Variants in FBN1 observed in about 807,000 individuals in gnomAD.
FBN1 encodes the protein fibrillin 1.
Under a neutral mutation model 365.1 loss-of-function variants are expected in FBN1, and 29 were observed. The observed-to-expected ratio is 0.08, with a 90% CI of 0.06 to 0.11. The LOEUF (loss-of-function observed/expected upper bound fraction) is 0.11. Ranked by LOEUF, FBN1 falls within the 10% of genes least tolerant of loss-of-function variation. The pLI is 1.00. For synonymous variants in FBN1, 1,210 were observed against 1,270.5 expected, an observed-to-expected ratio of 0.95 and a Z score of 1.01; for missense variants, 2,476 against 3,703.2, an observed-to-expected ratio of 0.67 and a Z score of 8.60.
chr15:48,626,593 C>A (rs1336810314), intron 2 of FBN1, among the ~76,000 whole-genome samples: 2 of 152,078 alleles, frequency 1.3e-5, no homozygotes, highest in African/African-American at 4.8e-5. Flanking sequence ...ATAAATAAAT[C>A]ACTAACAGAT....
intron 44 of FBN1, among the ~76,000 whole-genome samples, chr15:48,453,627 G>A (rs544903208): frequency 2.0e-5 from 3 of 152,196 alleles, no homozygotes; most frequent in South Asian, 2.1e-4. Context: ...CACCAAGAGC[G>A]AGCTCTAATG....
chr15:48,484,439 T>C (rs2043489803), intron 30 of FBN1, among the ~76,000 whole-genome samples: 1 of 152,006 alleles, frequency 6.6e-6, no homozygotes, highest in Non-Finnish European at 1.5e-5. Context: ...TGGCGCGATC[T>C]TGGCTCACTG....
intron 49 of FBN1, among the ~76,000 whole-genome samples, chr15:48,443,759 G>A (rs2043134097): frequency 6.6e-6 from 1 of 152,126 alleles, no homozygotes; most frequent in South Asian, 2.1e-4. Context: ...TTAATGATAT[G>A]ACATATTTGT....
At chr15:48,469,064 T>C in intron 36 of FBN1, among the ~76,000 whole-genome samples, 1 of 119,030 alleles carries the variant, frequency 8.4e-6, no homozygotes. Flanking sequence ...CGAGACTCCG[T>C]CTCAAAAAAA....
intron 20 of FBN1, among the ~76,000 whole-genome samples, chr15:48,495,879 T>C (rs956732340): frequency 2.0e-5 from 3 of 152,190 alleles, no homozygotes; most frequent in African/African-American, 7.2e-5. Context: ...ACACATAACA[T>C]TTTCTTTATC....
At chr15:48,526,282 C>T in intron 8 of FBN1, 27 bp from the exon 9 acceptor site, 2 of 1,613,180 alleles carry the variant, frequency 1.2e-6, no homozygotes, top group Non-Finnish European at 1.7e-6. Context: ...AGAATCTCAG[C>T]ATTTGTAGAA....
intron 13 of FBN1, among the ~76,000 whole-genome samples, chr15:48,510,907 T>C (rs984797037): frequency 1.3e-5 from 2 of 152,202 alleles, no homozygotes; most frequent in African/African-American, 4.8e-5. Flanking sequence ...GATAGCATGG[T>C]TCCCTGGATT....
chr15:48,585,009 T>TCC (rs2044424489), intron 6 of FBN1, among the ~76,000 whole-genome samples: 1 of 152,266 alleles, frequency 6.6e-6, no homozygotes, highest in South Asian at 2.1e-4. Context: ...AGTCTTAGTT[T>TCC]AAAGAATATA....
At chr15:48,480,486 T>G (rs1189267154) in intron 32 of FBN1, among the ~76,000 whole-genome samples, 1 of 152,162 alleles carries the variant, frequency 6.6e-6, no homozygotes, top group Non-Finnish European at 1.5e-5. Context: ...ACAGGCTTCA[T>G]GTAAGGAGTA....
chr15:48,421,165 C>T (rs1353181874), intron 62 of FBN1, among the ~76,000 whole-genome samples: 1 of 151,910 alleles, frequency 6.6e-6, no homozygotes, highest in Admixed American at 6.6e-5. Flanking sequence ...ATCATTTAAA[C>T]TTCTAATTAA....
intron 6 of FBN1, among the ~76,000 whole-genome samples, chr15:48,593,691 A>G (rs1286404020): frequency 1.3e-5 from 2 of 152,198 alleles, no homozygotes; most frequent in Non-Finnish European, 2.9e-5. Flanking sequence ...TGTACTGTGC[A>G]TCACACAGTA....
rs758452844 is a variant in FBN1 at position 48,508,723 on chromosome 15, C to T, written c.1715-19G>A. Reference sequence around the variant, plus strand: ...TCCATATCTGAAAATACAAAACATACATTTTCTTATGACCAGAAGAGTAAG... The same window carrying T: ...TCCATATCTGAAAATACAAAACATATATTTTCTTATGACCAGAAGAGTAAG... On this transcript the variant is annotated intron_variant, in intron 14 of 65. Transcript: ENST00000316623. The T allele has an allele frequency of 1.2e-6, 2 of 1,613,006 alleles. No homozygotes were observed. Among genetic ancestry groups the T allele is most frequent in the Non-Finnish European group, 1.7e-6 (2 of 1,179,364 alleles).
chr15:48,452,440 T>G, intron 45 of FBN1, 122 bp downstream of exon 45: 1 of 1,178,330 alleles, frequency 8.5e-7, no homozygotes, highest in Non-Finnish European at 1.3e-6. Flanking sequence ...TTAGAGTTCA[T>G]CAATCTAAAT....
chr15:48,607,747 T>C (rs747915137), intron 4 of FBN1, among the ~76,000 whole-genome samples: 2 of 152,178 alleles, frequency 1.3e-5, no homozygotes, highest in South Asian at 2.1e-4. Context: ...GACAAATATA[T>C]ATGTAAAGTT....
At chr15:48,645,270 GCTCTGAACGCCCCACTC>G (rs1261445567) in intron 1 of FBN1, among the ~76,000 whole-genome samples, 23 of 152,266 alleles carry the variant, frequency 1.5e-4, no homozygotes, top group African/African-American at 5.3e-4. Flanking sequence ...CGCGATGCGC[GCTCTGAACGCCCCACTC>G]CTCAGCCTGC....
Position 48,532,484 on chromosome 15 carries a change from G to A in FBN1, c.862+1596C>T, listed in dbSNP as rs577453745. Among the ~76,000 whole-genome samples, 13 of 144,596 alleles carry A rather than the reference G, an allele frequency of 9.0e-5. No individual in the cohort carries two copies. In the South Asian group the frequency reaches 2.9e-3, roughly 32 times the overall value. 94.9% of individuals were successfully genotyped at this position (144,596 alleles called of 152,430 possible). On this transcript the variant is annotated intron_variant, in intron 8 of 65. Transcript: ENST00000316623. Reference sequence around the variant, plus strand: ...GATATGTGTGTGTGTATATGTGTGTGTGTGTGTATATATATATGTGTATGT... The same window carrying A: ...GATATGTGTGTGTGTATATGTGTGTATGTGTGTATATATATATGTGTATGT...
At chr15:48,554,755 A>G (rs1480097676) in intron 6 of FBN1, among the ~76,000 whole-genome samples, 1 of 152,354 alleles carries the variant, frequency 6.6e-6, no homozygotes, top group East Asian at 1.9e-4. Flanking sequence ...ACACACATAC[A>G]CATTATATCT....
chr15:48,518,463 G>T (rs1198806486), intron 10 of FBN1, among the ~76,000 whole-genome samples: 1 of 152,092 alleles, frequency 6.6e-6, no homozygotes, highest in African/African-American at 2.4e-5. Flanking sequence ...GTACCAATTC[G>T]GCCTTTCTTT....
intron 64 of FBN1, among the ~76,000 whole-genome samples, chr15:48,414,100 G>A (rs779200439): frequency 2.0e-5 from 3 of 152,134 alleles, no homozygotes; most frequent in Non-Finnish European, 2.9e-5. Context: ...TTCATATCCC[G>A]GGAGCACCAC....
Sources: allele counts gnomAD v4.1 joint callset (sites outside exome capture counted in the v4.1 genomes callset), GRCh38; gene constraint gnomAD v4.1.1; transcripts MANE v1.5; gene names NCBI Gene and HGNC (gene_info 2026-07-23, HGNC 2026-07-21).